Variants in DOCK10 observed in about 807,000 individuals in gnomAD.
DOCK10 encodes the protein dedicator of cytokinesis protein 10.
In DOCK10, 145 loss-of-function variants were observed where a neutral mutation model predicts 280.1. That is an observed-to-expected ratio of 0.52 (90% confidence interval 0.45 to 0.59). The LOEUF is 0.59. Ranked by LOEUF, DOCK10 falls within the 20% of genes least tolerant of loss-of-function variation. DOCK10 has a pLI of 0.00. For synonymous variants in DOCK10, 915 were observed against 942.2 expected (o/e 0.97, Z 0.53); for missense variants, 2,368 against 2,651.7 (o/e 0.89, Z 2.35).
chr2:224,911,255 G>A (rs1274535392), intron 3 of DOCK10, among the ~76,000 whole-genome samples: 1 of 152,064 alleles, frequency 6.6e-6, no homozygotes, highest in Non-Finnish European at 1.5e-5. Flanking sequence ...TTCCCCCAAG[G>A]AGCAATAATA....
At chr2:224,989,029 C>G (rs2126267164) in intron 1 of DOCK10, among the ~76,000 whole-genome samples, 1 of 152,214 alleles carries the variant, frequency 6.6e-6, no homozygotes, top group South Asian at 2.1e-4. Flanking sequence ...GGCCATTACC[C>G]CAGGACACTC....
chr2:224,817,247 T>G (rs1694187962), intron 29 of DOCK10, among the ~76,000 whole-genome samples: 1 of 152,310 alleles, frequency 6.6e-6, no homozygotes, highest in East Asian at 1.9e-4. Flanking sequence ...GGTCTGTCTT[T>G]GCAATAATGT....
At chr2:224,939,854 G>A (rs1702916912) in intron 1 of DOCK10, among the ~76,000 whole-genome samples, 1 of 152,192 alleles carries the variant, frequency 6.6e-6, no homozygotes, top group South Asian at 2.1e-4. Flanking sequence ...CATAATGACA[G>A]ACCATTCTTT....
chr2:224,891,459 C>T (rs1272286659), intron 4 of DOCK10, among the ~76,000 whole-genome samples: 1 of 152,098 alleles, frequency 6.6e-6, no homozygotes, highest in Non-Finnish European at 1.5e-5. Context: ...GAGAAGAGAG[C>T]TTCAGACAAA....
chr2:224,888,637 ATATT>A (rs1699465651), intron 4 of DOCK10, among the ~76,000 whole-genome samples: 1 of 151,974 alleles, frequency 6.6e-6, no homozygotes, highest in African/African-American at 2.4e-5. Context: ...ATGTGTGTAT[ATATT>A]TATGTGAATA....
At chr2:224,849,100 C>T (rs1410885065) in intron 19 of DOCK10, among the ~76,000 whole-genome samples, 4 of 152,078 alleles carry the variant, frequency 2.6e-5, no homozygotes, top group Non-Finnish European at 5.9e-5. Flanking sequence ...CTCAGCCTCC[C>T]GAGTAGCTGG....
intron 18 of DOCK10, 82 bp from the exon 19 acceptor site, chr2:224,849,681 A>T: frequency 1.0e-6 from 1 of 968,312 alleles, no homozygotes; most frequent in South Asian, 1.5e-5. Flanking sequence ...ACTCTTCAGT[A>T]CCAACCCTGG....
At position 224,805,161 on chromosome 2, in the gene DOCK10, G is replaced by A. The variant is rs1462743510; in HGVS notation, c.4052-37C>T. 6.2e-7 allele frequency: 1 copy of A among 1,601,330 alleles called. No individual in the cohort carries two copies. The highest frequency in any genetic ancestry group is 1.8e-5 in the Admixed American group (1 of 56,958). On this transcript the variant is annotated intron_variant, in intron 36 of 55. Transcript: ENST00000258390. This position sits in a 1 kb window ranked among gnomAD's most constrained non-coding sequence, Gnocchi z 4.3. The stretch of plus-strand genomic sequence containing the variant: ...CACCAGGTAGTATGAGAATCTGAAG[G>A]TTTTCTTTTTCCTTTTTTCAAAAAA...
intron 11 of DOCK10, 53 bp from the exon 12 acceptor site, chr2:224,865,140 G>A: frequency 4.5e-6 from 7 of 1,544,174 alleles, no homozygotes; most frequent in Non-Finnish European, 6.2e-6. Flanking sequence ...TTATCCATGA[G>A]ACAGCCTCGT....
intron 4 of DOCK10, chr2:224,893,224 C>T (rs1699801960): frequency 6.6e-6 from 1 of 152,168 alleles, no homozygotes; most frequent in Admixed American, 6.5e-5. Flanking sequence ...GATAACAGTT[C>T]CTATTCCATA....
At chr2:224,847,133 C>T (rs1311096568) in intron 19 of DOCK10, among the ~76,000 whole-genome samples, 5 of 152,050 alleles carry the variant, frequency 3.3e-5, no homozygotes, top group Non-Finnish European at 5.9e-5. Flanking sequence ...TCTAGGTAAA[C>T]AATATACTGA....
chr2:224,781,605 T>C (rs1691343595), intron 50 of DOCK10, among the ~76,000 whole-genome samples: 1 of 152,232 alleles, frequency 6.6e-6, no homozygotes. Flanking sequence ...GTTTCTCTTT[T>C]GCTTTAGCCC....
At chr2:225,031,702 GGCCTGGCACA>G (rs1690083417) in intron 1 of DOCK10, among the ~76,000 whole-genome samples, 1 of 152,174 alleles carries the variant, frequency 6.6e-6, no homozygotes, top group African/African-American at 2.4e-5. Flanking sequence ...GTGCTGACAC[GGCCTGGCACA>G]GACCTTAAGC....
intron 1 of DOCK10, among the ~76,000 whole-genome samples, chr2:225,013,042 C>A (rs1689487898): frequency 6.6e-6 from 1 of 152,062 alleles, no homozygotes; most frequent in South Asian, 2.1e-4. Context: ...GACCAAATTC[C>A]TCTTTTGAAC....
intron 1 of DOCK10, among the ~76,000 whole-genome samples, chr2:224,992,396 T>C (rs1357067215): frequency 2.0e-5 from 3 of 152,210 alleles, no homozygotes; most frequent in African/African-American, 7.2e-5. Flanking sequence ...GATAAAAAGA[T>C]AGCCTGAGCT....
At chr2:225,013,938 T>C (rs1018730431) in intron 1 of DOCK10, among the ~76,000 whole-genome samples, 1 of 151,992 alleles carries the variant, frequency 6.6e-6, no homozygotes, top group Non-Finnish European at 1.5e-5. Context: ...ACTCAAGAAA[T>C]ATAGGGCTTT....
In DOCK10 at chr2:224,768,077, T is replaced by G. The variant is rs186052925; in HGVS notation, c.6444+2134A>C. Among the ~76,000 whole-genome samples the G allele has an allele frequency of 2.8e-4, 42 of 151,992 alleles. 1 individual carries two copies. The highest frequency in any genetic ancestry group is 3.4e-3 in the Middle Eastern group (1 of 294). The stretch of plus-strand genomic sequence containing the variant: ...TGTAGGAGTGTGCCACCACACAGGC[T>G]AATTTTTTTTTGTATTTTTAGTAGT... On this transcript the variant is annotated intron_variant, in intron 55 of 55. Transcript: ENST00000258390.
chr2:224,950,408 C>T (rs1449917515), intron 1 of DOCK10, among the ~76,000 whole-genome samples: 1 of 152,172 alleles, frequency 6.6e-6, no homozygotes, highest in African/African-American at 2.4e-5. Flanking sequence ...TTGTTATCAC[C>T]ACTCCAGTTT....
intron 52 of DOCK10, among the ~76,000 whole-genome samples, chr2:224,773,918 C>T (rs9973539): frequency 1.3e-5 from 2 of 152,120 alleles, no homozygotes; most frequent in Admixed American, 6.5e-5. Context: ...CGTGAGCCAC[C>T]GCACCCGGCC....
Sources: gnomAD v4.1 joint callset for allele counts (sites outside exome capture counted in the v4.1 genomes callset) on GRCh38, gnomAD v4.1.1 for gene constraint, Gnocchi (gnomAD v3.1) non-coding constraint, MANE v1.5 for transcripts, NCBI Gene and HGNC (gene_info 2026-07-23, HGNC 2026-07-21) for gene names.